The following THSD4 variants were observed in gnomAD, a reference collection of about 807,000 sequenced individuals.
The protein encoded by THSD4 is thrombospondin type-1 domain-containing protein 4.
Under a neutral mutation model 119.0 loss-of-function variants are expected in THSD4, and 69 were observed. The ratio of observed to expected loss-of-function variants is 0.58; its 90% confidence interval spans 0.48 to 0.71. The LOEUF (loss-of-function observed/expected upper bound fraction) is 0.71, where lower values mean the gene tolerates loss of function less well. Among genes scored for constraint, THSD4 ranks in the 30% least tolerant of loss-of-function variants. The pLI, the probability that THSD4 is intolerant of heterozygous loss-of-function variation, is 0.00. For synonymous variants in THSD4, 524 were observed against 540.4 expected (o/e 0.97, Z 0.42); for missense variants, 1,393 against 1,391.1 (o/e 1.00, Z -0.02).
intron 3 of THSD4, among the ~76,000 whole-genome samples, chr15:71,190,186 A>G (rs2043658553): frequency 6.6e-6 from 1 of 152,162 alleles, no homozygotes. Context: ...ATACCAATCA[A>G]ATGGTGTTGG....
intron 7 of THSD4, among the ~76,000 whole-genome samples, chr15:71,578,199 A>G (rs986253546): frequency 1.3e-5 from 2 of 149,688 alleles, no homozygotes; most frequent in African/African-American, 4.9e-5. Flanking sequence ...TATACACACA[A>G]TTGATAAATT....
intron 6 of THSD4, among the ~76,000 whole-genome samples, chr15:71,264,268 G>T (rs1285163197): frequency 6.6e-6 from 1 of 152,226 alleles, no homozygotes; most frequent in African/African-American, 2.4e-5. Context: ...GCCCACCCCT[G>T]TGCATAGATA....
chr15:71,204,686 G>A (rs73433411), intron 3 of THSD4, among the ~76,000 whole-genome samples: 3,870 of 151,236 alleles, frequency 0.026, 88 homozygotes, highest in African/African-American at 0.055. Context: ...AGCTTCCCAC[G>A]AGTCCACCCT....
intron 3 of THSD4, among the ~76,000 whole-genome samples, chr15:71,172,428 T>G (rs796910943): frequency 6.6e-6 from 1 of 151,892 alleles, no homozygotes; most frequent in African/African-American, 2.4e-5. Flanking sequence ...AATTGACCTA[T>G]AGATTTAACA....
chr15:71,153,888 A>G (rs541172488), intron 2 of THSD4, among the ~76,000 whole-genome samples: 1 of 152,346 alleles, frequency 6.6e-6, no homozygotes, highest in African/African-American at 2.4e-5. Context: ...TTGGGCATTT[A>G]AATTAATTGA....
chr15:71,097,428 T>C (rs1181207389), intron 1 of THSD4, among the ~76,000 whole-genome samples: 1 of 151,722 alleles, frequency 6.6e-6, no homozygotes, highest in Non-Finnish European at 1.5e-5. Flanking sequence ...AGCCAGACAG[T>C]GGTGGCGTAT....
At chr15:71,539,865 T>C (rs1332411196) in intron 7 of THSD4, among the ~76,000 whole-genome samples, 1 of 152,144 alleles carries the variant, frequency 6.6e-6, no homozygotes, top group South Asian at 2.1e-4. Flanking sequence ...AAAAGATGCA[T>C]CTCTTGTTAT....
chr15:71,431,277 G>C (rs767732881), intron 7 of THSD4, among the ~76,000 whole-genome samples: 1 of 152,138 alleles, frequency 6.6e-6, no homozygotes, highest in Non-Finnish European at 1.5e-5. Flanking sequence ...TGAGTTCACA[G>C]TTTTATGAGT....
chr15:71,430,213 A>T (rs115064171), intron 7 of THSD4, among the ~76,000 whole-genome samples: 1 of 152,188 alleles, frequency 6.6e-6, no homozygotes, highest in Non-Finnish European at 1.5e-5. Context: ...CTCAAAAACA[A>T]TGAACAGGGC....
At chr15:71,421,341 G>T in intron 7 of THSD4, among the ~76,000 whole-genome samples, 1 of 45,208 alleles carries the variant, frequency 2.2e-5, no homozygotes. Context: ...AGTATTTCTT[G>T]TAGGATAGGG....
chr15:71,122,842 T>C (rs902916263), intron 1 of THSD4, among the ~76,000 whole-genome samples: 2 of 152,342 alleles, frequency 1.3e-5, no homozygotes, highest in African/African-American at 2.4e-5. Context: ...TGTTTATTTA[T>C]TTCTGATCTC....
At chr15:71,570,596 C>T (rs77229911) in intron 7 of THSD4, among the ~76,000 whole-genome samples, 22,011 of 151,938 alleles carry the variant, frequency 0.14, 1,997 homozygotes, top group Middle Eastern at 0.23. Flanking sequence ...TTAGTAGAGA[C>T]GGAGTTTCAC....
rs558667767 is a variant in THSD4, at chr15:71,783,327, T to G, written c.*5953T>G. The G allele has an allele frequency of 9.2e-5, 14 of 152,216 alleles. No homozygotes were observed. The highest frequency in any genetic ancestry group is 1.6e-4 in the Non-Finnish European group (11 of 68,050). The allele number at this position is 152,216 out of a possible 1,614,324, so 9.4% of individuals were successfully genotyped here. A position where few individuals can be genotyped will look rare whatever the true frequency, so the allele number is the denominator to read the frequency against. ...CTCTGGCCTTATTCGCGTTCTGTTC[T>G]CCTGCAAATAGCGCCCTCTAAAAAG... On this transcript the variant is annotated 3_prime_UTR_variant, in exon 18 of 18. Transcript: ENST00000261862.
intron 7 of THSD4, among the ~76,000 whole-genome samples, chr15:71,587,765 G>C (rs1476702027): frequency 8.1e-5 from 4 of 49,334 alleles, no homozygotes; most frequent in Non-Finnish European, 1.8e-4. Flanking sequence ...CTAAAACTTA[G>C]AGTATAATAA....
chr15:71,734,640 A>G (rs1567126030), intron 10 of THSD4, among the ~76,000 whole-genome samples: 1 of 152,130 alleles, frequency 6.6e-6, no homozygotes, highest in Non-Finnish European at 1.5e-5. Flanking sequence ...CGTATGGACT[A>G]TGAACTCTAA....
At chr15:71,423,369 GCTGATTATTCAGGGC>G (rs1321801352) in intron 7 of THSD4, among the ~76,000 whole-genome samples, 1 of 152,164 alleles carries the variant, frequency 6.6e-6, no homozygotes, top group Non-Finnish European at 1.5e-5. Context: ...GGTTACTGCT[GCTGATTATTCAGGGC>G]CCAAAGGCTC....
intron 6 of THSD4, among the ~76,000 whole-genome samples, chr15:71,374,159 CCTT>C (rs1394236208): frequency 3.2e-4 from 48 of 152,346 alleles, no homozygotes; most frequent in African/African-American, 1.1e-3. Context: ...GTACTACAGT[CCTT>C]CTGCCCTGAT....
At chr15:71,575,591 G>C (rs997489808) in intron 7 of THSD4, among the ~76,000 whole-genome samples, 1 of 152,134 alleles carries the variant, frequency 6.6e-6, no homozygotes, top group Admixed American at 6.5e-5. Context: ...CCTACATTGA[G>C]CCAAAATTCA....
intron 7 of THSD4, among the ~76,000 whole-genome samples, chr15:71,654,140 C>G (rs560604670): frequency 1.1e-3 from 170 of 152,260 alleles, no homozygotes; most frequent in Non-Finnish European, 2.1e-3. Context: ...TGTTTGTGTT[C>G]TAATAAATCT....
Sources: allele counts gnomAD v4.1 joint callset (sites outside exome capture counted in the v4.1 genomes callset), GRCh38; gene constraint gnomAD v4.1.1; transcripts MANE v1.5; gene names NCBI Gene and HGNC (gene_info 2026-07-23, HGNC 2026-07-21).